PCCA: variants seen among roughly 807,000 people sequenced by gnomAD.
PCCA encodes propionyl-CoA carboxylase subunit alpha.
PCCA carries 74 observed loss-of-function variants against 101.3 expected under a neutral mutation model. The observed-to-expected ratio is 0.73, with a 90% confidence interval of 0.61 to 0.89. The LOEUF (loss-of-function observed/expected upper bound fraction) is 0.89. PCCA is among the 40% of genes least tolerant of loss of function. The pLI is 0.00. For synonymous variants in PCCA, 294 were observed against 313.6 expected (o/e 0.94, Z 0.66); for missense variants, 891 against 907.0 (o/e 0.98, Z 0.23).
intron 17 of PCCA, among the ~76,000 whole-genome samples, chr13:100,339,781 C>A (rs2071029275): frequency 1.3e-5 from 2 of 152,182 alleles, no homozygotes; most frequent in African/African-American, 4.8e-5. Flanking sequence ...ACGCTATCCT[C>A]ACTTCCCTCA....
chr13:100,400,352 C>T (rs193094915), intron 19 of PCCA, among the ~76,000 whole-genome samples: 69 of 152,236 alleles, frequency 4.5e-4, no homozygotes, highest in Non-Finnish European at 7.8e-4. Context: ...TTCCTTTTAT[C>T]AAAAAGTACC....
intron 4 of PCCA, among the ~76,000 whole-genome samples, chr13:100,137,812 T>TA (rs1056664449): frequency 7.9e-5 from 12 of 151,692 alleles, no homozygotes; most frequent in Admixed American, 3.3e-4. Context: ...GTCTTTTTTT[T>TA]TTTTTTATTT....
intron 19 of PCCA, among the ~76,000 whole-genome samples, chr13:100,422,322 G>C (rs1595849263): frequency 6.6e-6 from 1 of 151,416 alleles, no homozygotes; most frequent in African/African-American, 2.4e-5. Context: ...TTTTTTTGTA[G>C]AGATGGGGTC....
chr13:100,411,803 G>GC (rs1289743444), intron 19 of PCCA, among the ~76,000 whole-genome samples: 1 of 152,076 alleles, frequency 6.6e-6, no homozygotes, highest in Non-Finnish European at 1.5e-5. Flanking sequence ...GGGCACTGAT[G>GC]CCATCAGGAG....
intron 14 of PCCA, among the ~76,000 whole-genome samples, chr13:100,303,616 C>CATATAT (rs58706151): frequency 5.1e-4 from 75 of 147,266 alleles, no homozygotes; most frequent in African/African-American, 1.7e-3. Flanking sequence ...GTAATAAGTG[C>CATATAT]ATATATATAT....
chr13:100,133,365 A>G (rs1180861320), intron 4 of PCCA, among the ~76,000 whole-genome samples: 2 of 152,072 alleles, frequency 1.3e-5, no homozygotes, highest in Non-Finnish European at 2.9e-5. Flanking sequence ...TGTCCTCTTG[A>G]CAGTGTCTAC....
At chr13:100,494,878 T>C (rs1479798610) in intron 21 of PCCA, among the ~76,000 whole-genome samples, 2 of 152,104 alleles carry the variant, frequency 1.3e-5, no homozygotes, top group East Asian at 3.9e-4. Context: ...CCCTATTTGA[T>C]TTATTTTATC....
intron 2 of PCCA, 48 bp downstream of exon 2, chr13:100,103,008 G>A (rs373304408): frequency 8.6e-6 from 11 of 1,275,542 alleles, no homozygotes; most frequent in East Asian, 2.3e-5. Flanking sequence ...ACTTATCATG[G>A]TTTTACTTTC....
At chr13:100,456,072 A>G (rs548432448) in intron 21 of PCCA, among the ~76,000 whole-genome samples, 1 of 152,266 alleles carries the variant, frequency 6.6e-6, no homozygotes, top group African/African-American at 2.4e-5. Flanking sequence ...CCACATCTTC[A>G]CTTGGATCTT....
chr13:100,332,354 C>T lies in PCCA; in HGVS notation c.1540+1683C>T, dbSNP rs192534130. On this transcript the variant is annotated intron_variant, in intron 17 of 23. Transcript: ENST00000376285. Reference sequence around the variant, plus strand: ...AAAATTTTAATTAAAAGTTGTAGTACGTTTTGAAGTGGACTTAGGACTTCC... The same window carrying T: ...AAAATTTTAATTAAAAGTTGTAGTATGTTTTGAAGTGGACTTAGGACTTCC... 3.8e-3 allele frequency among the ~76,000 whole-genome samples: 578 copies of T among 152,206 alleles called. 1 individual carries two copies. Among genetic ancestry groups the T allele is most frequent in the Middle Eastern group, 0.017 (5 of 294 alleles).
At chr13:100,353,121 A>G (rs1408836905) in intron 18 of PCCA, among the ~76,000 whole-genome samples, 3 of 152,260 alleles carry the variant, frequency 2.0e-5, no homozygotes, top group Non-Finnish European at 2.9e-5. Context: ...TATGTACCTA[A>G]TAACACAATT....
intron 20 of PCCA, among the ~76,000 whole-genome samples, chr13:100,447,438 C>T (rs776823517): frequency 2.0e-5 from 3 of 149,392 alleles, no homozygotes; most frequent in Non-Finnish European, 4.4e-5. Context: ...ACCTGTAATC[C>T]CAGCACTTTT....
chr13:100,361,565 A>G (rs1040094788), intron 18 of PCCA, among the ~76,000 whole-genome samples: 2 of 152,184 alleles, frequency 1.3e-5, no homozygotes, highest in African/African-American at 4.8e-5. Context: ...CAAAATAAAG[A>G]ACTTTCACAA....
chr13:100,363,949 A>G (rs537838794), intron 18 of PCCA, among the ~76,000 whole-genome samples: 3 of 152,302 alleles, frequency 2.0e-5, no homozygotes, highest in East Asian at 1.9e-4. Flanking sequence ...GTTCTTCACC[A>G]TCAAATATAA....
intron 11 of PCCA, among the ~76,000 whole-genome samples, chr13:100,272,593 A>C (rs113478425): frequency 6.6e-6 from 1 of 152,282 alleles, no homozygotes; most frequent in African/African-American, 2.4e-5. Flanking sequence ...ATGCAAAAAA[A>C]GTGACACTAA....
intron 6 of PCCA, among the ~76,000 whole-genome samples, chr13:100,197,346 C>A (rs1275350051): frequency 6.6e-6 from 1 of 152,020 alleles, no homozygotes; most frequent in African/African-American, 2.4e-5. Flanking sequence ...TAGCTGGGAC[C>A]ATGCCTGGTT....
intron 7 of PCCA, among the ~76,000 whole-genome samples, chr13:100,219,208 A>G (rs2059681532): frequency 6.6e-6 from 1 of 152,172 alleles, no homozygotes; most frequent in Non-Finnish European, 1.5e-5. Context: ...TGGATGTGTC[A>G]TTATGAACCT....
In PCCA at chr13:100,213,133, G is replaced by A. The variant is rs116902969; in HGVS notation, c.600+3670G>A. 6.5e-3 allele frequency among the ~76,000 whole-genome samples: 990 copies of A among 152,188 alleles called. 39 individuals are homozygous for A. The East Asian group carries it at 0.098, about 15-fold the overall frequency. On this transcript the variant is annotated intron_variant, in intron 7 of 23. Coordinates refer to ENST00000376285, the MANE Select transcript of PCCA (RefSeq NM_000282.4). The stretch of plus-strand genomic sequence containing the variant: ...TGTACCACATTTTAAAAATCCATTC[G>A]TCTGTTGATGGACATTTAGGTTGCT...
In PCCA at chr13:100,101,630, G is replaced by T. The variant is rs543779574; in HGVS notation, c.106-1253G>T. Among the ~76,000 whole-genome samples the T allele has an allele frequency of 3.6e-3, 550 of 151,484 alleles. 5 individuals carry two copies. Among genetic ancestry groups the T allele is most frequent in the Non-Finnish European group, 6.2e-3 (418 of 67,876 alleles). On this transcript the variant is annotated intron_variant, in intron 1 of 23. Coordinates refer to ENST00000376285, the MANE Select transcript of PCCA (RefSeq NM_000282.4). The stretch of plus-strand genomic sequence containing the variant: ...TAATTAATTTTTTCTGAGGAGTTTC[G>T]CTCTTGTTGCCCAGGCTGGAGTGCA...
Sources: allele counts gnomAD v4.1 joint callset (sites outside exome capture counted in the v4.1 genomes callset), GRCh38; gene constraint gnomAD v4.1.1; transcripts MANE v1.5; gene names NCBI Gene and HGNC (gene_info 2026-07-23, HGNC 2026-07-21).